TPRG1: variants seen among roughly 807,000 people sequenced by gnomAD.
TPRG1 encodes the protein tumor protein p63 regulated 1, also known as tumor protein p63-regulated gene 1 protein.
Under a neutral mutation model 29.3 loss-of-function variants are expected in TPRG1, and 29 were observed. That is an observed-to-expected ratio of 0.99 (90% CI 0.74 to 1.35). The LOEUF is 1.35. TPRG1 is among the 40% of genes most tolerant of loss of function. The probability of loss-of-function intolerance (pLI) is 0.00; values close to 1 mark genes in which losing one functional copy is unlikely to be tolerated. For missense variants in TPRG1, 327 were observed against 335.0 expected (o/e 0.98, Z 0.19); for synonymous variants, 130 against 116.8 (o/e 1.11, Z -0.73).
chr3:189,106,301 G>A (rs1344274422), intron 1 of TPRG1, among the ~76,000 whole-genome samples: 1 of 151,938 alleles, frequency 6.6e-6, no homozygotes, highest in Non-Finnish European at 1.5e-5. Flanking sequence ...CCCCCACCCT[G>A]GGAATATTGT....
chr3:189,224,593 T>C (rs1469453049), intron 3 of TPRG1, among the ~76,000 whole-genome samples: 1 of 152,100 alleles, frequency 6.6e-6, no homozygotes, highest in Non-Finnish European at 1.5e-5. Context: ...GGCTGGATTA[T>C]AGTGAGCAAG....
At chr3:189,153,006 T>C (rs1402695790) in intron 5 of TPRG1, among the ~76,000 whole-genome samples, 1 of 152,266 alleles carries the variant, frequency 6.6e-6, no homozygotes, top group African/African-American at 2.4e-5. Flanking sequence ...GTTTCACGTG[T>C]GTCTTAGATC....
intron 4 of TPRG1, among the ~76,000 whole-genome samples, chr3:189,053,197 G>A (rs1334162707): frequency 6.6e-6 from 1 of 152,088 alleles, no homozygotes; most frequent in African/African-American, 2.4e-5. Context: ...TGCACTTTTA[G>A]GAAGACAGCT....
intron 4 of TPRG1, among the ~76,000 whole-genome samples, chr3:189,307,374 C>A (rs1295014603): frequency 6.6e-6 from 1 of 152,188 alleles, no homozygotes; most frequent in Non-Finnish European, 1.5e-5. Context: ...TAATTGTCTC[C>A]TTCACATCCA....
At chr3:189,315,052 A>T (rs1182344168) in intron 5 of TPRG1, among the ~76,000 whole-genome samples, 1 of 152,186 alleles carries the variant, frequency 6.6e-6, no homozygotes, top group Non-Finnish European at 1.5e-5. Flanking sequence ...AGGCTAAGGC[A>T]GGAGGACTGC....
intron 1 of TPRG1, among the ~76,000 whole-genome samples, chr3:189,200,095 C>T (rs925421777): frequency 2.6e-5 from 4 of 152,130 alleles, no homozygotes; most frequent in Admixed American, 6.5e-5. Flanking sequence ...TTCTTCCCCA[C>T]GGCCCTCTTT....
At chr3:189,209,978 C>T (rs1735006849) in intron 2 of TPRG1, among the ~76,000 whole-genome samples, 1 of 151,778 alleles carries the variant, frequency 6.6e-6, no homozygotes, top group African/African-American at 2.4e-5. Context: ...CATTCACACA[C>T]ATGAGAACAA....
At chr3:189,233,714 G>A (rs1270151574) in intron 3 of TPRG1, among the ~76,000 whole-genome samples, 1 of 152,080 alleles carries the variant, frequency 6.6e-6, no homozygotes, top group Non-Finnish European at 1.5e-5. Context: ...GCACAGTGAG[G>A]AGACACAGAT....
At chr3:189,140,038 A>G (rs2108563114) in intron 3 of TPRG1, among the ~76,000 whole-genome samples, 1 of 152,326 alleles carries the variant, frequency 6.6e-6, no homozygotes, top group South Asian at 2.1e-4. Flanking sequence ...TAGCCCTGTC[A>G]GATCTATGCA....
intron 1 of TPRG1, among the ~76,000 whole-genome samples, chr3:188,999,402 C>T (rs1307166376): frequency 6.6e-6 from 1 of 152,128 alleles, no homozygotes; most frequent in African/African-American, 2.4e-5. Context: ...GAAAAGAGAC[C>T]ATTCTGAAGT....
intron 4 of TPRG1, among the ~76,000 whole-genome samples, chr3:189,285,034 T>C (rs1717816824): frequency 6.6e-6 from 1 of 152,150 alleles, no homozygotes; most frequent in Non-Finnish European, 1.5e-5. Flanking sequence ...TTTTGCAATC[T>C]ACTCATCTGA....
intron 1 of TPRG1, among the ~76,000 whole-genome samples, chr3:189,105,738 C>T (rs906996861): frequency 3.3e-5 from 5 of 152,032 alleles, no homozygotes; most frequent in African/African-American, 9.7e-5. Flanking sequence ...TTGAAGCCTA[C>T]GGAATAGAGG....
intron 4 of TPRG1, among the ~76,000 whole-genome samples, chr3:189,078,099 T>C (rs6782785): frequency 0.11 from 4,793 of 42,728 alleles, 152 homozygotes; most frequent in East Asian, 0.3. Flanking sequence ...CTCTCTTTCT[T>C]TCTTTCTTTC....
chr3:189,069,662 A>G (rs1716687537), intron 4 of TPRG1, among the ~76,000 whole-genome samples: 1 of 152,240 alleles, frequency 6.6e-6, no homozygotes, highest in Non-Finnish European at 1.5e-5. Context: ...CAGAGAAATG[A>G]CAACTGACAT....
Position 189,238,722 on chromosome 3 carries a change from G to A in TPRG1, c.303-11G>A. The A allele has an allele frequency of 6.3e-7, 1 of 1,581,778 alleles. No homozygotes were observed. The highest frequency in any genetic ancestry group is 8.6e-7 in the Non-Finnish European group (1 of 1,160,296). On this transcript the variant is annotated splice_polypyrimidine_tract_variant and intron_variant, in intron 3 of 5. Coordinates refer to ENST00000345063, the MANE Select transcript of TPRG1 (RefSeq NM_198485.4). ...GTCATCAATTTTTATTTGCTATGAT[G>A]ATTCCTATAGGATAGACCACTGGAA... is the stretch of plus-strand genomic sequence containing the variant.
At chr3:189,161,514 C>G (rs943961231) in intron 5 of TPRG1, among the ~76,000 whole-genome samples, 1 of 151,864 alleles carries the variant, frequency 6.6e-6, no homozygotes, top group African/African-American at 2.4e-5. Context: ...TCTTTCTCAG[C>G]AAATATCTTT....
chr3:189,289,239 T>C (rs1718590655), intron 4 of TPRG1, among the ~76,000 whole-genome samples: 1 of 152,208 alleles, frequency 6.6e-6, no homozygotes, highest in Admixed American at 6.5e-5. Flanking sequence ...GAGGATGGCC[T>C]CATTATCTTC....
rs11391897 is a variant in TPRG1, at chr3:189,321,146, CTT to C, written c.*345_*346del. ...GTTGCTTCAGCTCTCTAAATGTAGG[CTT>C]TTTTTTTTTTTTTTTTTTAGGTCTT... On this transcript the variant is annotated 3_prime_UTR_variant, in exon 6 of 6. Transcript: ENST00000345063. 6.3e-4 allele frequency: 72 copies of C among 113,980 alleles called. No homozygotes were observed. Among genetic ancestry groups the C allele is most frequent in the Non-Finnish European group, 8.5e-4 (47 of 55,364 alleles). The allele number at this position is 113,980 out of a possible 1,614,324, so 7.1% of individuals were successfully genotyped here.
intron 1 of TPRG1, among the ~76,000 whole-genome samples, chr3:189,118,172 C>T (rs1019861210): frequency 9.2e-5 from 14 of 152,204 alleles, no homozygotes; most frequent in African/African-American, 3.4e-4. Context: ...GCTGAGGTGG[C>T]CTCAGATGGA....
Sources: gnomAD v4.1 joint callset for allele counts (sites outside exome capture counted in the v4.1 genomes callset) on GRCh38, gnomAD v4.1.1 for gene constraint, MANE v1.5 for transcripts, NCBI Gene and HGNC (gene_info 2026-07-23, HGNC 2026-07-21) for gene names.